The following ARHGAP15 variants were observed in gnomAD, a reference collection of about 807,000 sequenced individuals.
ARHGAP15 encodes the protein rho GTPase-activating protein 15.
Under a neutral mutation model 63.7 loss-of-function variants are expected in ARHGAP15, and 51 were observed. The ratio of observed to expected loss-of-function variants is 0.80; its 90% CI spans 0.64 to 1.01. ARHGAP15 has a LOEUF of 1.01. Among genes scored for constraint, ARHGAP15 ranks in the 50% least tolerant of loss-of-function variants. The probability of loss-of-function intolerance (pLI) is 0.00; values close to 1 mark genes in which losing one functional copy is unlikely to be tolerated. For synonymous variants in ARHGAP15, 191 were observed against 193.8 expected (o/e 0.99, Z 0.12); for missense variants, 560 against 564.6 (o/e 0.99, Z 0.08).
At chr2:143,718,235 T>C (rs1018632967) in intron 13 of ARHGAP15, among the ~76,000 whole-genome samples, 3 of 152,222 alleles carry the variant, frequency 2.0e-5, no homozygotes. Context: ...ATATTTTGTC[T>C]GTAGCTAGTA....
At chr2:143,654,564 A>C (rs750536390) in intron 12 of ARHGAP15, among the ~76,000 whole-genome samples, 1 of 152,202 alleles carries the variant, frequency 6.6e-6, no homozygotes, top group African/African-American at 2.4e-5. Flanking sequence ...AATGCATCAC[A>C]TACTTCCCTA....
intron 13 of ARHGAP15, among the ~76,000 whole-genome samples, chr2:143,706,890 T>C (rs1358482869): frequency 6.6e-6 from 1 of 152,162 alleles, no homozygotes; most frequent in East Asian, 1.9e-4. Context: ...ATCATATAAA[T>C]GGCAAAACTG....
chr2:143,629,642 A>ATGTT (rs1321995179), intron 12 of ARHGAP15, among the ~76,000 whole-genome samples: 1 of 152,138 alleles, frequency 6.6e-6, no homozygotes, highest in Non-Finnish European at 1.5e-5. Flanking sequence ...ACAACAAGCA[A>ATGTT]TGTTTTTTCT....
chr2:143,363,480 G>A (rs1334475528), intron 6 of ARHGAP15, among the ~76,000 whole-genome samples: 1 of 152,118 alleles, frequency 6.6e-6, no homozygotes, highest in Non-Finnish European at 1.5e-5. Context: ...GGATAACAGA[G>A]CAAGACTCTG....
intron 12 of ARHGAP15, 31 bp from the exon 13 acceptor site, chr2:143,703,388 C>T: frequency 6.3e-7 from 1 of 1,577,728 alleles, no homozygotes; most frequent in Non-Finnish European, 8.6e-7. Flanking sequence ...CTTGTTTTTT[C>T]CCTAACCTTC....
intron 6 of ARHGAP15, among the ~76,000 whole-genome samples, chr2:143,271,213 C>G (rs1681261581): frequency 6.6e-6 from 1 of 152,162 alleles, no homozygotes; most frequent in African/African-American, 2.4e-5. Flanking sequence ...CTTTACCTTT[C>G]TTCAGCCATA....
intron 6 of ARHGAP15, among the ~76,000 whole-genome samples, chr2:143,423,561 A>G (rs527622799): frequency 6.6e-6 from 1 of 152,220 alleles, no homozygotes; most frequent in Admixed American, 6.6e-5. Context: ...GATGCACACC[A>G]TTATGAAGTT....
chr2:143,308,947 A>C (rs1192740493), intron 6 of ARHGAP15, among the ~76,000 whole-genome samples: 3 of 150,866 alleles, frequency 2.0e-5, no homozygotes, highest in Non-Finnish European at 4.4e-5. Flanking sequence ...AAAAAAAAAA[A>C]AAAAAAAAAG....
At chr2:143,710,144 C>A (rs1338333013) in intron 13 of ARHGAP15, among the ~76,000 whole-genome samples, 2 of 138,736 alleles carry the variant, frequency 1.4e-5, no homozygotes, top group African/African-American at 4.9e-5. Flanking sequence ...TTATTATTTT[C>A]TTTTACTCTC....
At chr2:143,610,265 G>A (rs943907165) in intron 11 of ARHGAP15, among the ~76,000 whole-genome samples, 2 of 152,112 alleles carry the variant, frequency 1.3e-5, no homozygotes, top group African/African-American at 2.4e-5. Flanking sequence ...TTTATTCAAT[G>A]CCTTATCACA....
chr2:143,511,265 C>T (rs1693572980), intron 9 of ARHGAP15, among the ~76,000 whole-genome samples: 1 of 152,162 alleles, frequency 6.6e-6, no homozygotes, highest in Non-Finnish European at 1.5e-5. Flanking sequence ...TTATTTTTCT[C>T]ACCAAAAGAT....
At chr2:143,154,742 T>G (rs1231617430) in intron 1 of ARHGAP15, among the ~76,000 whole-genome samples, 1 of 151,940 alleles carries the variant, frequency 6.6e-6, no homozygotes, top group Admixed American at 6.6e-5. Flanking sequence ...CACAGTTTAG[T>G]TCTCTTTGTT....
chr2:143,325,028 A>G (rs1045692285), intron 6 of ARHGAP15, among the ~76,000 whole-genome samples: 1 of 152,188 alleles, frequency 6.6e-6, no homozygotes, highest in Non-Finnish European at 1.5e-5. Context: ...TTACTAGTCA[A>G]TCTCAAGGTT....
intron 6 of ARHGAP15, among the ~76,000 whole-genome samples, chr2:143,280,433 TAAAG>T (rs1681784419): frequency 6.6e-6 from 1 of 152,020 alleles, no homozygotes; most frequent in African/African-American, 2.4e-5. Context: ...GAAGAAACAA[TAAAG>T]AGAGGTTAAT....
At chr2:143,476,858 A>C (rs895857316) in intron 8 of ARHGAP15, among the ~76,000 whole-genome samples, 10 of 152,208 alleles carry the variant, frequency 6.6e-5, no homozygotes, top group Non-Finnish European at 1.2e-4. Context: ...GATGTGTTAC[A>C]TGCGATGAGC....
intron 12 of ARHGAP15, among the ~76,000 whole-genome samples, chr2:143,644,797 A>G (rs1330351940): frequency 6.6e-6 from 1 of 152,094 alleles, no homozygotes; most frequent in Non-Finnish European, 1.5e-5. Context: ...TATGCATGTT[A>G]AGCCATTTTA....
At chr2:143,519,430 T>G (rs1693967293) in intron 10 of ARHGAP15, 66 bp downstream of exon 10, 1 of 1,272,578 alleles carries the variant, frequency 7.9e-7, no homozygotes, top group Non-Finnish European at 1.1e-6. Context: ...ATACTCAAGT[T>G]AGCAGTGCCA....
intron 2 of ARHGAP15, among the ~76,000 whole-genome samples, chr2:143,199,808 A>G (rs1156452936): frequency 1.3e-5 from 2 of 152,100 alleles, no homozygotes; most frequent in Non-Finnish European, 2.9e-5. Context: ...CCCAATGGAC[A>G]CAGCCTAAAG....
Position 143,611,511 on chromosome 2 carries a change from A to T in ARHGAP15, c.1004-12622A>T, listed in dbSNP as rs537588535. Reference sequence around the variant, plus strand: ...TGACATAAGATCATGCAGATAAAGTACCAAGCACAGCGGCTGGCACATGAC... The same window carrying T: ...TGACATAAGATCATGCAGATAAAGTTCCAAGCACAGCGGCTGGCACATGAC... On this transcript the variant is annotated intron_variant, in intron 11 of 13. Transcript: ENST00000295095. Among the ~76,000 whole-genome samples, 4 of 152,330 alleles carry T rather than the reference A, an allele frequency of 2.6e-5. No individual in the cohort carries two copies. The East Asian group carries it at 7.7e-4, about 29-fold the overall frequency.
Sources: allele counts gnomAD v4.1 joint callset (sites outside exome capture counted in the v4.1 genomes callset), GRCh38; gene constraint gnomAD v4.1.1; transcripts MANE v1.5; gene names NCBI Gene and HGNC (gene_info 2026-07-23, HGNC 2026-07-21).